The following GALNT10 variants were observed in gnomAD, a reference collection of about 807,000 sequenced individuals.
GALNT10 encodes the protein GalNAc transferase 10.
In GALNT10, 41 loss-of-function variants were observed where a neutral mutation model predicts 75.0. The observed-to-expected ratio is 0.55, with a 90% CI of 0.43 to 0.71. The LOEUF is 0.71. Among genes scored for constraint, GALNT10 ranks in the 30% least tolerant of loss-of-function variants. GALNT10 has a pLI of 0.00. For missense variants in GALNT10, 727 were observed against 818.5 expected (o/e 0.89, Z 1.36); for synonymous variants, 302 against 313.0 (o/e 0.96, Z 0.37).
At chr5:154,265,045 A>C (rs1753757969) in intron 1 of GALNT10, among the ~76,000 whole-genome samples, 2 of 152,196 alleles carry the variant, frequency 1.3e-5, no homozygotes, top group East Asian at 3.8e-4. Flanking sequence ...CCAGTCTCTA[A>C]GGGAAACACT....
intron 6 of GALNT10, among the ~76,000 whole-genome samples, chr5:154,385,849 C>T (rs1755799537): frequency 6.6e-6 from 1 of 152,170 alleles, no homozygotes; most frequent in African/African-American, 2.4e-5. Flanking sequence ...AACACAGAGC[C>T]CTAGGCTGCC....
At chr5:154,199,901 TC>T (rs1244112094) in intron 1 of GALNT10, among the ~76,000 whole-genome samples, 1 of 152,178 alleles carries the variant, frequency 6.6e-6, no homozygotes, top group Non-Finnish European at 1.5e-5. Context: ...CATCACTACT[TC>T]CTAGTGTCAT....
chr5:154,398,608 C>G (rs1756093489), intron 7 of GALNT10, among the ~76,000 whole-genome samples: 2 of 152,152 alleles, frequency 1.3e-5, no homozygotes, highest in Non-Finnish European at 2.9e-5. Context: ...GGTGGAAGAG[C>G]AGCCCTTCTA....
chr5:154,416,094 A>G lies in GALNT10; in HGVS notation c.1653+162A>G, dbSNP rs1233997445. ...CATTCAAGAGTAGTCAGAAATCTAG[A>G]CTTCACTGTGAAATCCTCAAGTCTT... is the stretch of plus-strand genomic sequence containing the variant. On this transcript the variant is annotated intron_variant, in intron 11 of 11. Transcript: ENST00000297107. The surrounding 1 kb of genome is among the most constrained non-coding windows in gnomAD (Gnocchi z 4.5). Among the ~76,000 whole-genome samples the G allele has an allele frequency of 6.6e-6, 1 of 152,166 alleles. No homozygotes were observed. Among genetic ancestry groups the G allele is most frequent in the Admixed American group, 6.5e-5 (1 of 15,276 alleles).
At chr5:154,299,866 G>A (rs1754335839) in intron 3 of GALNT10, among the ~76,000 whole-genome samples, 1 of 131,658 alleles carries the variant, frequency 7.6e-6, no homozygotes, top group African/African-American at 2.9e-5. Context: ...ACAGGGTCTC[G>A]CCCTATCACC....
intron 1 of GALNT10, among the ~76,000 whole-genome samples, chr5:154,269,686 A>C (rs1753832683): frequency 6.6e-6 from 1 of 152,218 alleles, no homozygotes; most frequent in Admixed American, 6.5e-5. Flanking sequence ...GGCCTCTAAC[A>C]GTGAGTGGTT....
At chr5:154,396,041 G>A (rs1734063823) in intron 7 of GALNT10, among the ~76,000 whole-genome samples, 1 of 152,188 alleles carries the variant, frequency 6.6e-6, no homozygotes, top group South Asian at 2.1e-4. Flanking sequence ...TGGAAGGACA[G>A]AGTAAATGGG....
chr5:154,398,192 G>C (rs554504041), intron 7 of GALNT10, among the ~76,000 whole-genome samples: 35 of 152,356 alleles, frequency 2.3e-4, no homozygotes, highest in African/African-American at 8.4e-4. Flanking sequence ...GGGAACTCCT[G>C]TGCTGGGAAC....
intron 4 of GALNT10, among the ~76,000 whole-genome samples, chr5:154,370,873 A>C (rs1156397974): frequency 6.6e-6 from 1 of 152,218 alleles, no homozygotes; most frequent in Non-Finnish European, 1.5e-5. Context: ...CGTGGAGTGC[A>C]GTGCTCCAGA....
At chr5:154,380,070 G>C (rs1457702742) in intron 5 of GALNT10, among the ~76,000 whole-genome samples, 2 of 152,296 alleles carry the variant, frequency 1.3e-5, no homozygotes, top group East Asian at 3.9e-4. Flanking sequence ...TTCCCAGAAG[G>C]AAATCAATCT....
At chr5:154,246,114 C>G (rs1216165044) in intron 1 of GALNT10, among the ~76,000 whole-genome samples, 1 of 149,894 alleles carries the variant, frequency 6.7e-6, no homozygotes, top group East Asian at 2.0e-4. Flanking sequence ...CAGTTTCATC[C>G]GTGTCCCTAC....
rs562967734 is a variant in GALNT10 at position 154,366,689 on chromosome 5, G to A, written c.569-9588G>A. ...AAAAAAGGCCCTCTGGAGTCTTTGG[G>A]AGAAGGAAATTGGCTATTTGGGAAT... is the stretch of plus-strand genomic sequence containing the variant. On this transcript the variant is annotated intron_variant, in intron 4 of 11. Transcript: ENST00000297107. 1.2e-4 allele frequency among the ~76,000 whole-genome samples: 19 copies of A among 152,288 alleles called. No individual in the cohort carries two copies. In the South Asian group the frequency reaches 3.7e-3, roughly 30 times the overall value.
At chr5:154,211,906 A>G (rs1775204132) in intron 1 of GALNT10, among the ~76,000 whole-genome samples, 1 of 152,084 alleles carries the variant, frequency 6.6e-6, no homozygotes, top group Non-Finnish European at 1.5e-5. Flanking sequence ...TCCTTCTAGG[A>G]CCTGGTCTCC....
intron 4 of GALNT10, among the ~76,000 whole-genome samples, chr5:154,351,389 A>C (rs1755202797): frequency 6.6e-6 from 1 of 152,268 alleles, no homozygotes; most frequent in Non-Finnish European, 1.5e-5. Flanking sequence ...CACCTAAGGC[A>C]GTGCCACACT....
intron 1 of GALNT10, among the ~76,000 whole-genome samples, chr5:154,202,742 A>G (rs757818358): frequency 6.6e-6 from 1 of 152,182 alleles, no homozygotes; most frequent in Non-Finnish European, 1.5e-5. Context: ...TTTCCCACCC[A>G]TAACTCTTCC....
intron 1 of GALNT10, among the ~76,000 whole-genome samples, chr5:154,278,910 T>C (rs1299972461): frequency 6.6e-6 from 1 of 152,232 alleles, no homozygotes; most frequent in Admixed American, 6.5e-5. Context: ...ATATTCCATT[T>C]TATATATATG....
At chr5:154,232,561 G>A (rs1412847341) in intron 1 of GALNT10, among the ~76,000 whole-genome samples, 3 of 152,140 alleles carry the variant, frequency 2.0e-5, no homozygotes, top group Non-Finnish European at 4.4e-5. Context: ...AAATAGGCTG[G>A]CATAAGGGTC....
Position 154,191,009 on chromosome 5 carries a change from C to T in GALNT10, c.143C>T (p.Ala48Val). 1.4e-6 allele frequency: 2 copies of T among 1,468,878 alleles called. No homozygotes were observed. Among genetic ancestry groups the T allele is most frequent in the East Asian group, 2.7e-5 (1 of 36,892 alleles). 91.0% of individuals were successfully genotyped at this position (1,468,878 alleles called of 1,614,324 possible). ...CCTGGGGGATCGGGGGCGGCGGTGGCGCCGGCGGCGGGACAGGTGAGTCCC... is the reference window on the plus strand; with the variant it reads ...CCTGGGGGATCGGGGGCGGCGGTGGTGCCGGCGGCGGGACAGGTGAGTCCC... ...GTPGGSGAAV[A>V]PAAGQGSHSR... Residue 48 changes from alanine (A) to valine (V), a missense_variant, in exon 1 of 12, where the codon GCG becomes GTG. Transcript: ENST00000297107.
At chr5:154,318,871 C>T (rs764388907) in intron 3 of GALNT10, among the ~76,000 whole-genome samples, 7 of 152,182 alleles carry the variant, frequency 4.6e-5, no homozygotes, top group South Asian at 4.1e-4. Context: ...CTAAGCTTTG[C>T]GCATTCAGGG....
Sources: allele counts gnomAD v4.1 joint callset (sites outside exome capture counted in the v4.1 genomes callset), GRCh38; gene constraint gnomAD v4.1.1; non-coding constraint Gnocchi (gnomAD v3.1); transcripts MANE v1.5; gene names NCBI Gene and HGNC (gene_info 2026-07-23, HGNC 2026-07-21).